Variants in PPP1R9A observed in about 807,000 individuals in gnomAD.
PPP1R9A encodes neurabin-1.
In PPP1R9A, 59 loss-of-function variants were observed where a neutral mutation model predicts 141.9. The observed-to-expected ratio is 0.42, with a 90% CI of 0.34 to 0.52. The LOEUF (loss-of-function observed/expected upper bound fraction) is 0.52. Ranked by LOEUF, PPP1R9A falls within the 20% of genes least tolerant of loss-of-function variation. PPP1R9A has a pLI of 0.10. For missense variants in PPP1R9A, 1,444 were observed against 1,611.9 expected, an observed-to-expected ratio of 0.90 and a Z score of 1.78; for synonymous variants, 500 against 569.7, an observed-to-expected ratio of 0.88 and a Z score of 1.74.
At chr7:95,165,369 C>T (rs192803783) in intron 5 of PPP1R9A, among the ~76,000 whole-genome samples, 1 of 152,288 alleles carries the variant, frequency 6.6e-6, no homozygotes, top group East Asian at 1.9e-4. Context: ...CTTTCAAATA[C>T]CCTTTTGAAG....
At chr7:95,029,093 G>T (rs536646523) in intron 2 of PPP1R9A, among the ~76,000 whole-genome samples, 114 of 152,234 alleles carry the variant, frequency 7.5e-4, no homozygotes, top group African/African-American at 2.7e-3. Context: ...GAGTGTAGGT[G>T]CTAGACTATA....
At chr7:95,028,413 A>G (rs935839503) in intron 2 of PPP1R9A, among the ~76,000 whole-genome samples, 2 of 152,338 alleles carry the variant, frequency 1.3e-5, no homozygotes, top group East Asian at 1.9e-4. Flanking sequence ...TGCTTACTAT[A>G]TATTTGGAAT....
intron 7 of PPP1R9A, among the ~76,000 whole-genome samples, chr7:95,217,215 A>T (rs188840827): frequency 2.6e-5 from 4 of 152,120 alleles, no homozygotes; most frequent in Non-Finnish European, 5.9e-5. Flanking sequence ...TTCTGCATCT[A>T]TTGAGATAAT....
At chr7:95,103,337 G>C (rs1056033544) in intron 2 of PPP1R9A, among the ~76,000 whole-genome samples, 34 of 113,764 alleles carry the variant, frequency 3.0e-4, no homozygotes, top group African/African-American at 1.1e-3. Flanking sequence ...CCATTATATA[G>C]AGTATGTTTG....
intron 2 of PPP1R9A, among the ~76,000 whole-genome samples, chr7:95,039,448 C>G (rs796364059): frequency 1.3e-5 from 2 of 151,854 alleles, no homozygotes; most frequent in African/African-American, 4.8e-5. Context: ...ATCCCAGCTA[C>G]TCTGGAGGCT....
intron 2 of PPP1R9A, among the ~76,000 whole-genome samples, chr7:94,954,739 C>A (rs1382780101): frequency 2.9e-5 from 4 of 139,860 alleles, no homozygotes; most frequent in Admixed American, 2.8e-4. Flanking sequence ...TTGAGTTTTT[C>A]CTTCTCATTT....
chr7:95,082,064 C>A (rs532993271), intron 2 of PPP1R9A, among the ~76,000 whole-genome samples: 2 of 152,272 alleles, frequency 1.3e-5, no homozygotes, highest in African/African-American at 4.8e-5. Flanking sequence ...TGGATAACCC[C>A]ACTCACAAAG....
intron 2 of PPP1R9A, among the ~76,000 whole-genome samples, chr7:95,095,739 C>T (rs1260191062): frequency 6.6e-6 from 1 of 152,156 alleles, no homozygotes; most frequent in East Asian, 1.9e-4. Flanking sequence ...CACAGCTGCC[C>T]AGAATGCAGT....
chr7:95,179,751 AG>A (rs1206883634), intron 5 of PPP1R9A, among the ~76,000 whole-genome samples: 23 of 145,858 alleles, frequency 1.6e-4, no homozygotes, highest in African/African-American at 5.9e-4. Flanking sequence ...TATCAAATCA[AG>A]AACTCAACCC....
rs760046112 is a variant in PPP1R9A at position 94,910,673 on chromosome 7, C to G, written c.560C>G (p.Ser187Cys). Reference protein sequence around the residue: ...GSKSNRGSTDSLDSLSSRTEA... With the variant: ...GSKSNRGSTDCLDSLSSRTEA... ...AAGTCCAACAGAGGCAGTACTGATT[C>G]CTTGGACAGCCTTAGCTCCCGAACT... is the stretch of plus-strand genomic sequence containing the variant. Residue 187 changes from serine to cysteine, a missense_variant, in exon 2 of 20, where the codon TCC becomes TGC. Transcript: ENST00000433360. The surrounding 1 kb of genome is among the most constrained non-coding windows in gnomAD (Gnocchi z 4.5). 8.7e-6 allele frequency: 14 copies of G among 1,614,010 alleles called. No homozygotes were observed. Among genetic ancestry groups the G allele is most frequent in the African/African-American group, 1.3e-5 (1 of 74,902 alleles).
intron 8 of PPP1R9A, among the ~76,000 whole-genome samples, chr7:95,233,764 G>A (rs78031356): frequency 6.6e-6 from 1 of 152,046 alleles, no homozygotes; most frequent in African/African-American, 2.4e-5. Flanking sequence ...ATGAACATGG[G>A]TGCAGAAATT....
intron 5 of PPP1R9A, among the ~76,000 whole-genome samples, chr7:95,174,627 T>A (rs149350516): frequency 3.7e-4 from 57 of 152,290 alleles, no homozygotes; most frequent in African/African-American, 1.3e-3. Context: ...TGAAAAGGAC[T>A]GTGTCTCTTT....
intron 4 of PPP1R9A, among the ~76,000 whole-genome samples, chr7:95,136,462 G>A (rs540993027): frequency 3.8e-4 from 58 of 152,158 alleles, no homozygotes; most frequent in South Asian, 1.9e-3. Context: ...GATGCAAGTC[G>A]TATATAAACA....
chr7:94,912,311 G>A (rs1791545515), intron 2 of PPP1R9A, among the ~76,000 whole-genome samples: 1 of 152,194 alleles, frequency 6.6e-6, no homozygotes, highest in Admixed American at 6.5e-5. Context: ...GTGGTAGAAT[G>A]TTATTAGTGG....
chr7:95,058,138 G>A (rs996317110), intron 2 of PPP1R9A, among the ~76,000 whole-genome samples: 3 of 152,116 alleles, frequency 2.0e-5, no homozygotes, highest in Admixed American at 1.3e-4. Flanking sequence ...GTAAGGATTG[G>A]TCTTTTGTTC....
chr7:95,002,668 A>G (rs933935940), intron 2 of PPP1R9A, among the ~76,000 whole-genome samples: 4 of 152,136 alleles, frequency 2.6e-5, no homozygotes, highest in South Asian at 2.1e-4. Flanking sequence ...TGAAAGAGGA[A>G]CTATCATCTC....
chr7:95,222,445 T>C (rs1794590563), intron 7 of PPP1R9A, among the ~76,000 whole-genome samples: 1 of 152,056 alleles, frequency 6.6e-6, no homozygotes, highest in South Asian at 2.1e-4. Context: ...TGTTGAGGAA[T>C]GTCCAATGCT....
intron 2 of PPP1R9A, among the ~76,000 whole-genome samples, chr7:95,012,600 G>A (rs985910767): frequency 7.2e-5 from 11 of 152,194 alleles, no homozygotes; most frequent in Non-Finnish European, 2.9e-5. Flanking sequence ...TTGGATATCC[G>A]TAAGATGAAC....
At chr7:95,093,944 A>T (rs373147762) in intron 2 of PPP1R9A, among the ~76,000 whole-genome samples, 1 of 152,218 alleles carries the variant, frequency 6.6e-6, no homozygotes, top group African/African-American at 2.4e-5. Flanking sequence ...TTAAAGACAC[A>T]TTGCTTCTAA....
Sources: gnomAD v4.1 joint callset for allele counts (sites outside exome capture counted in the v4.1 genomes callset) on GRCh38, gnomAD v4.1.1 for gene constraint, Gnocchi (gnomAD v3.1) non-coding constraint, MANE v1.5 for transcripts, NCBI Gene and HGNC (gene_info 2026-07-23, HGNC 2026-07-21) for gene names.